Variants in GCLC observed in about 807,000 individuals in gnomAD.
The protein encoded by GCLC is glutamate--cysteine ligase catalytic subunit.
A neutral mutation model predicts 81.5 loss-of-function variants in GCLC; 30 were observed. The observed-to-expected ratio is 0.37, with a 90% CI of 0.28 to 0.50. The LOEUF (loss-of-function observed/expected upper bound fraction) is 0.50, where lower values mean the gene tolerates loss of function less well. Among genes scored for constraint, GCLC ranks in the 20% least tolerant of loss-of-function variants. GCLC has a pLI of 0.96. For synonymous variants in GCLC, 262 were observed against 273.3 expected (o/e 0.96, Z 0.41); for missense variants, 556 against 777.4 (o/e 0.72, Z 3.39).
At chr6:53,502,693 TC>T (rs1764535792) in intron 12 of GCLC, among the ~76,000 whole-genome samples, 1 of 152,232 alleles carries the variant, frequency 6.6e-6, no homozygotes, top group African/African-American at 2.4e-5. Context: ...TCTACGTACA[TC>T]TTATGCAAAC....
At chr6:53,512,743 G>A (rs570740816) in intron 6 of GCLC, among the ~76,000 whole-genome samples, 21 of 152,106 alleles carry the variant, frequency 1.4e-4, no homozygotes, top group Non-Finnish European at 2.5e-4. Context: ...CCATTAGGAA[G>A]CATTTACTAG....
rs202132827 is a variant in GCLC, at chr6:53,520,730, C to T, written c.446+48G>A. ...GGGTCGTGACTTGCTCTTTTCATTA[C>T]CTGTATCTCTGAGAGATCTGCTGGG... is the stretch of plus-strand genomic sequence containing the variant. On this transcript the variant is annotated intron_variant, in intron 3 of 15. Transcript: ENST00000650454. 1,468 of 1,494,898 alleles carry T rather than the reference C, an allele frequency of 9.8e-4. 3 individuals carry two copies. Among genetic ancestry groups the T allele is most frequent in the Non-Finnish European group, 1.3e-3 (1,370 of 1,071,548 alleles). The allele number at this position is 1,494,898 out of a possible 1,614,324, so 92.6% of individuals were successfully genotyped here.
At chr6:53,541,141 T>C (rs899369918) in intron 1 of GCLC, among the ~76,000 whole-genome samples, 1 of 152,044 alleles carries the variant, frequency 6.6e-6, no homozygotes, top group Non-Finnish European at 1.5e-5. Flanking sequence ...ACTTGAACTC[T>C]GGGAGGCGGA....
chr6:53,526,855 A>G (rs906636295), intron 1 of GCLC, among the ~76,000 whole-genome samples: 4 of 151,948 alleles, frequency 2.6e-5, no homozygotes, highest in African/African-American at 7.3e-5. Flanking sequence ...TGAAATACTA[A>G]TTTCTTAATA....
chr6:53,504,191 T>C (rs1274524260), intron 12 of GCLC, among the ~76,000 whole-genome samples: 6 of 150,028 alleles, frequency 4.0e-5, no homozygotes, highest in African/African-American at 1.5e-4. Flanking sequence ...TTAAAAGTAT[T>C]TTTTAAAAAA....
At chr6:53,526,558 G>A (rs1763084543) in intron 1 of GCLC, among the ~76,000 whole-genome samples, 1 of 152,106 alleles carries the variant, frequency 6.6e-6, no homozygotes, top group Non-Finnish European at 1.5e-5. Context: ...CAGCACTTTG[G>A]GAGGCCGAGG....
Position 53,499,078 on chromosome 6 carries a change from T to C in GCLC, c.1703-111A>G. 4.0e-6 allele frequency: 3 copies of C among 748,860 alleles called. No individual in the cohort carries two copies. In the South Asian group the frequency reaches 4.3e-5, roughly 11 times the overall value. The allele number at this position is 748,860 out of a possible 1,614,324, so 46.4% of individuals were successfully genotyped here. A position where few individuals can be genotyped will look rare whatever the true frequency, so the allele number is the denominator to read the frequency against. ...ACAATTCTGGAGAGAAATCAATATG[T>C]CCTTTTAGTGTAGCTGCATGGCAGG... On this transcript the variant is annotated intron_variant, in intron 15 of 15. Coordinates refer to ENST00000650454, the MANE Select transcript of GCLC (RefSeq NM_001498.4).
chr6:53,519,400 G>A (rs755103471), intron 3 of GCLC, among the ~76,000 whole-genome samples: 120 of 151,534 alleles, frequency 7.9e-4, no homozygotes, highest in Non-Finnish European at 1.5e-4. Context: ...ACTCCTCCTG[G>A]AACCTTGGAC....
In GCLC at chr6:53,507,466, G is replaced by C; in HGVS notation, c.1084+14C>G. 1 of 1,612,652 alleles carries C rather than the reference G, an allele frequency of 6.2e-7. No individual in the cohort carries two copies. Among genetic ancestry groups the C allele is most frequent in the Non-Finnish European group, 8.5e-7 (1 of 1,179,290 alleles). ...GCGTACATTCAAACCCAGAAAGATG[G>C]AGTAGAAACCCACCTTCCTGCAACA... On this transcript the variant is annotated intron_variant, in intron 9 of 15. Coordinates refer to ENST00000650454, the MANE Select transcript of GCLC (RefSeq NM_001498.4).
At chr6:53,505,704 T>C (rs1201756467) in intron 11 of GCLC, 99 bp downstream of exon 11, 1 of 817,368 alleles carries the variant, frequency 1.2e-6, no homozygotes, top group African/African-American at 1.7e-5. Context: ...TAATTTTTAT[T>C]TTATATATAA....
At chr6:53,529,632 ACTT>A (rs1337431521) in intron 1 of GCLC, among the ~76,000 whole-genome samples, 1 of 152,256 alleles carries the variant, frequency 6.6e-6, no homozygotes, top group Non-Finnish European at 1.5e-5. Context: ...AATCATCTGT[ACTT>A]CAGTACAATA....
At chr6:53,499,463 G>A (rs1321594456) in intron 15 of GCLC, among the ~76,000 whole-genome samples, 1 of 152,140 alleles carries the variant, frequency 6.6e-6, no homozygotes, top group African/African-American at 2.4e-5. Flanking sequence ...AGGGTTCTAC[G>A]GCTATCCTTT....
At chr6:53,500,571 T>C (rs1764491443) in intron 12 of GCLC, 58 bp from the exon 13 acceptor site, 3 of 1,201,572 alleles carry the variant, frequency 2.5e-6, no homozygotes, top group Non-Finnish European at 3.7e-6. Context: ...ACATACAAGT[T>C]GCAGCACCTT....
intron 1 of GCLC, among the ~76,000 whole-genome samples, chr6:53,543,973 G>A (rs1323755637): frequency 6.6e-6 from 1 of 152,326 alleles, no homozygotes; most frequent in Admixed American, 6.5e-5. Flanking sequence ...TGAAGTGTGT[G>A]TGTTTTGGAG....
At chr6:53,502,339 C>T (rs1764529789) in intron 12 of GCLC, among the ~76,000 whole-genome samples, 1 of 152,326 alleles carries the variant, frequency 6.6e-6, no homozygotes, top group African/African-American at 2.4e-5. Flanking sequence ...CCCACACGGG[C>T]TTACAACAGC....
chr6:53,501,338 G>A (rs1378703855), intron 12 of GCLC: 1 of 152,354 alleles, frequency 6.6e-6, no homozygotes, highest in East Asian at 1.9e-4. Context: ...TCTGGAATAA[G>A]GTTACAGCCC....
intron 1 of GCLC, among the ~76,000 whole-genome samples, chr6:53,530,724 C>T (rs1484000514): frequency 6.6e-6 from 1 of 152,136 alleles, no homozygotes; most frequent in East Asian, 1.9e-4. Context: ...AGAGTGCTGG[C>T]ATTTCACTAG....
Position 53,514,259 on chromosome 6 carries a change from G to A in GCLC, c.698C>T (p.Pro233Leu), listed in dbSNP as rs766764261. 2.2e-5 allele frequency: 35 copies of A among 1,612,602 alleles called. No individual in the cohort carries two copies. Among genetic ancestry groups the A allele is most frequent in the Admixed American group, 2.2e-4 (13 of 60,000 alleles). The part of the protein sequence containing the change: ...EDDEASRASK[P>L]DHIYMDAMGF... ...CATGGCATCCATGTAAATATGATCC[G>A]GCTTAGAAGCCCTTGAAGCTTCATC... The change falls in exon 6 of 16, where the codon CCG (proline) becomes CTG (leucine). Residue 233 changes from proline (P) to leucine (L), a missense_variant. Physicochemically the swap from Pro to Leu is moderately conservative, Grantham distance 98 (BLOSUM62 -3). This residue lies in a region of GCLC where 234 missense variants were observed against 303.8 expected (regional missense o/e 0.77). Transcript: ENST00000650454.
intron 12 of GCLC, chr6:53,501,121 G>C (rs1242203938): frequency 6.1e-6 from 1 of 165,230 alleles, no homozygotes; most frequent in African/African-American, 2.4e-5. Context: ...GTTTCACCAT[G>C]TTGGCCAGGC....
Sources: allele counts gnomAD v4.1 joint callset (sites outside exome capture counted in the v4.1 genomes callset), GRCh38; gene constraint gnomAD v4.1.1; regional missense constraint gnomAD v4.1.1; transcripts MANE v1.5; gene names NCBI Gene and HGNC (gene_info 2026-07-23, HGNC 2026-07-21).